SLC14A2: variants seen among roughly 807,000 people sequenced by gnomAD.
The protein encoded by SLC14A2 is urea transporter 2.
SLC14A2 carries 91 observed loss-of-function variants against 104.6 expected under a neutral mutation model. The ratio of observed to expected loss-of-function variants is 0.87; its 90% confidence interval spans 0.73 to 1.04. The LOEUF (loss-of-function observed/expected upper bound fraction) is 1.04. Ranked by LOEUF, SLC14A2 falls within the 50% of genes least tolerant of loss-of-function variation. SLC14A2 has a pLI of 0.00. For missense variants in SLC14A2, 1,189 were observed against 1,156.0 expected (o/e 1.03, Z -0.41); for synonymous variants, 476 against 466.4 (o/e 1.02, Z -0.27).
intron 1 of SLC14A2, among the ~76,000 whole-genome samples, chr18:45,251,831 A>G (rs2084426632): frequency 6.6e-6 from 1 of 152,222 alleles, no homozygotes; most frequent in African/African-American, 2.4e-5. Flanking sequence ...GCTTCAACAT[A>G]TGAATTTTGG....
At chr18:45,350,791 A>G (rs1333954482) in intron 1 of SLC14A2, among the ~76,000 whole-genome samples, 2 of 152,056 alleles carry the variant, frequency 1.3e-5, no homozygotes, top group Non-Finnish European at 1.5e-5. Flanking sequence ...GCTCCCTGAG[A>G]CACAGCAGTT....
chr18:45,645,198 A>G (rs1371030582), intron 10 of SLC14A2, among the ~76,000 whole-genome samples: 1 of 152,192 alleles, frequency 6.6e-6, no homozygotes, highest in African/African-American at 2.4e-5. Context: ...ATATGAACTC[A>G]TTCTTTTTAT....
intron 1 of SLC14A2, among the ~76,000 whole-genome samples, chr18:45,452,542 G>C (rs1482843730): frequency 6.6e-6 from 1 of 152,172 alleles, no homozygotes; most frequent in Non-Finnish European, 1.5e-5. Flanking sequence ...TCTAACATTA[G>C]GTGAATGCCA....
chr18:45,499,798 G>A (rs2043162573), intron 2 of SLC14A2, among the ~76,000 whole-genome samples: 1 of 152,116 alleles, frequency 6.6e-6, no homozygotes, highest in African/African-American at 2.4e-5. Context: ...GATGATCATA[G>A]GTATCTTAGC....
chr18:45,296,132 G>A (rs190157875), intron 1 of SLC14A2, among the ~76,000 whole-genome samples: 1 of 152,254 alleles, frequency 6.6e-6, no homozygotes, highest in Non-Finnish European at 1.5e-5. Flanking sequence ...CACCAGACAT[G>A]CAATTCAGCA....
At chr18:45,405,209 G>A (rs934521725) in intron 1 of SLC14A2, among the ~76,000 whole-genome samples, 1 of 152,160 alleles carries the variant, frequency 6.6e-6, no homozygotes, top group African/African-American at 2.4e-5. Context: ...ACAGCTCCAA[G>A]AACAAAAGAC....
intron 1 of SLC14A2, among the ~76,000 whole-genome samples, chr18:45,287,290 A>T (rs1290583277): frequency 6.6e-6 from 1 of 152,218 alleles, no homozygotes; most frequent in Non-Finnish European, 1.5e-5. Flanking sequence ...GAATCTGGTA[A>T]ATGTTTTTGG....
At position 45,414,751 on chromosome 18, in the gene SLC14A2, AAAAAAAATATATATAT is replaced by A. The variant is rs1246487115; in HGVS notation, c.-124-68480_-124-68465del. On this transcript the variant is annotated intron_variant, in intron 1 of 20. Transcript: ENST00000586448. ...GGTGCAAGGCACCGAGCGTAAAAAA[AAAAAAAATATATATAT>A]ATATATATATATATATATATATATA... Among the ~76,000 whole-genome samples, 10 of 70,892 alleles carry A rather than the reference AAAAAAAATATATATAT, an allele frequency of 1.4e-4. 1 individual carries two copies. The highest frequency in any genetic ancestry group is 5.9e-4 in the African/African-American group (10 of 17,084). 46.5% of individuals were successfully genotyped at this position (70,892 alleles called of 152,430 possible).
At chr18:45,344,878 T>C (rs910962890) in intron 1 of SLC14A2, among the ~76,000 whole-genome samples, 1 of 152,148 alleles carries the variant, frequency 6.6e-6, no homozygotes, top group African/African-American at 2.4e-5. Context: ...TGCCCAGATA[T>C]TTGGAATTAA....
chr18:45,600,345 C>A (rs1165362884), intron 2 of SLC14A2, among the ~76,000 whole-genome samples: 1 of 151,780 alleles, frequency 6.6e-6, no homozygotes, highest in East Asian at 2.0e-4. Flanking sequence ...TCAGTGTACT[C>A]CCAAATGGCC....
At chr18:45,666,902 T>A (rs370277670) in intron 12 of SLC14A2, 33 bp from the exon 13 acceptor site, 7 of 1,598,786 alleles carry the variant, frequency 4.4e-6, no homozygotes, top group Admixed American at 3.4e-5. Flanking sequence ...CCACCGAATG[T>A]GGGAGACTCT....
chr18:45,481,358 A>G (rs537956796), intron 1 of SLC14A2, among the ~76,000 whole-genome samples: 1 of 152,238 alleles, frequency 6.6e-6, no homozygotes, highest in South Asian at 2.1e-4. Flanking sequence ...GGGCATGGCT[A>G]ATGAATCCTA....
At chr18:45,665,626 T>TG (rs2046006092) in intron 11 of SLC14A2, among the ~76,000 whole-genome samples, 2 of 149,760 alleles carry the variant, frequency 1.3e-5, no homozygotes, top group Non-Finnish European at 3.0e-5. Context: ...GCATGGCTCA[T>TG]GGCTCAGGCA....
In SLC14A2 at chr18:45,673,212, C is replaced by G. The variant is rs114910941; in HGVS notation, c.2377+165C>G. Among the ~76,000 whole-genome samples the G allele has an allele frequency of 3.0e-3, 456 of 152,342 alleles. 3 individuals are homozygous for G. Among genetic ancestry groups the G allele is most frequent in the African/African-American group, 0.01 (420 of 41,574 alleles). ...GTTTTTGATCTAGCCCCTTTATCCT[C>G]CCCTGAGCCACAGCTGCCCTCAAGA... On this transcript the variant is annotated intron_variant, in intron 17 of 19. Transcript: ENST00000255226.
intron 2 of SLC14A2, among the ~76,000 whole-genome samples, chr18:45,487,662 G>A (rs2087634699): frequency 6.6e-6 from 1 of 152,156 alleles, no homozygotes; most frequent in Non-Finnish European, 1.5e-5. Flanking sequence ...CCACTGCAGA[G>A]GAGTGGAATT....
chr18:45,435,683 G>A (rs2086584854), intron 1 of SLC14A2, among the ~76,000 whole-genome samples: 1 of 152,148 alleles, frequency 6.6e-6, no homozygotes, highest in Non-Finnish European at 1.5e-5. Flanking sequence ...AATAGAGAAA[G>A]AGCAATCCAC....
intron 2 of SLC14A2, among the ~76,000 whole-genome samples, chr18:45,505,161 T>C (rs544542438): frequency 6.6e-6 from 1 of 152,070 alleles, no homozygotes; most frequent in Non-Finnish European, 1.5e-5. Flanking sequence ...TTATGAGGGA[T>C]TAGAAGTACA....
chr18:45,388,219 C>T (rs746325454), intron 1 of SLC14A2, among the ~76,000 whole-genome samples: 1 of 151,732 alleles, frequency 6.6e-6, no homozygotes, highest in Non-Finnish European at 1.5e-5. Context: ...CCTGCCAACA[C>T]GCCCGGCTAA....
At chr18:45,675,722 T>A (rs2046219843) in intron 18 of SLC14A2, among the ~76,000 whole-genome samples, 1 of 123,012 alleles carries the variant, frequency 8.1e-6, no homozygotes, top group African/African-American at 3.8e-5. Context: ...TTTTTTTTTT[T>A]TTTTTTTGGA....
Sources: allele counts gnomAD v4.1 joint callset (sites outside exome capture counted in the v4.1 genomes callset), GRCh38; gene constraint gnomAD v4.1.1; transcripts MANE v1.5; gene names NCBI Gene and HGNC (gene_info 2026-07-23, HGNC 2026-07-21).